Variants in NTRK2 observed in about 807,000 individuals in gnomAD.
The protein encoded by NTRK2 is neurotrophic receptor tyrosine kinase 2.
A neutral mutation model predicts 94.5 loss-of-function variants in NTRK2; 13 were observed. That is an observed-to-expected ratio of 0.14 (90% confidence interval 0.09 to 0.22). The LOEUF (loss-of-function observed/expected upper bound fraction) is 0.22, where lower values mean the gene tolerates loss of function less well. Ranked by LOEUF, NTRK2 falls within the 10% of genes least tolerant of loss-of-function variation. NTRK2 has a pLI of 1.00. For synonymous variants in NTRK2, 372 were observed against 407.4 expected (o/e 0.91, Z 1.05); for missense variants, 639 against 1,071.2 (o/e 0.60, Z 5.63).
intron 12 of NTRK2, chr9:84,812,231 A>C (rs200324734): frequency 3.7e-5 from 39 of 1,056,240 alleles, no homozygotes; most frequent in Non-Finnish European, 3.8e-5. Flanking sequence ...AAGGATATCC[A>C]TAATGAATAT....
At chr9:84,724,095 G>C in intron 7 of NTRK2, 129 bp from the exon 8 acceptor site, 1 of 983,130 alleles carries the variant, frequency 1.0e-6, no homozygotes, top group South Asian at 1.4e-5. Flanking sequence ...CCTGAGCCCA[G>C]TTCAGGCAGA....
intron 12 of NTRK2, among the ~76,000 whole-genome samples, chr9:84,763,042 A>G (rs1485452814): frequency 6.6e-6 from 1 of 152,134 alleles, no homozygotes; most frequent in Non-Finnish European, 1.5e-5. Flanking sequence ...CCACCTTCAT[A>G]TGTGTCTCCG....
At chr9:84,779,877 C>T (rs1489408640) in intron 12 of NTRK2, among the ~76,000 whole-genome samples, 1 of 152,154 alleles carries the variant, frequency 6.6e-6, no homozygotes, top group African/African-American at 2.4e-5. Flanking sequence ...TTCCTGTTTA[C>T]TTCTGATAAG....
At chr9:84,975,756 T>C (rs1204367795) in intron 17 of NTRK2, among the ~76,000 whole-genome samples, 1 of 152,202 alleles carries the variant, frequency 6.6e-6, no homozygotes, top group Non-Finnish European at 1.5e-5. Context: ...GTAGGAAATA[T>C]GTGTGATATT....
At chr9:84,919,371 G>GATGA (rs1204817450) in intron 14 of NTRK2, among the ~76,000 whole-genome samples, 1 of 152,108 alleles carries the variant, frequency 6.6e-6, no homozygotes, top group Non-Finnish European at 1.5e-5. Context: ...TCATCTCCAG[G>GATGA]ATGAACTTTT....
At chr9:84,797,595 C>CTATATAT (rs2069541793) in intron 12 of NTRK2, among the ~76,000 whole-genome samples, 1 of 69,630 alleles carries the variant, frequency 1.4e-5, no homozygotes, top group African/African-American at 6.1e-5. Context: ...ACTATATATA[C>CTATATAT]TATATATTAT....
At chr9:84,854,924 C>G (rs954817040) in intron 12 of NTRK2, among the ~76,000 whole-genome samples, 1 of 116,932 alleles carries the variant, frequency 8.6e-6, no homozygotes, top group African/African-American at 3.3e-5. Flanking sequence ...TCCAGCCTGG[C>G]CAACAGAGCG....
chr9:84,948,376 G>C, intron 15 of NTRK2, 86 bp from the exon 16 acceptor site: 1 of 1,384,118 alleles, frequency 7.2e-7, no homozygotes, highest in Non-Finnish European at 1.0e-6. Context: ...CTCATCTTTT[G>C]CCTAACAAAT....
At chr9:84,890,263 G>A (rs1262713449) in intron 14 of NTRK2, among the ~76,000 whole-genome samples, 1 of 152,184 alleles carries the variant, frequency 6.6e-6, no homozygotes, top group East Asian at 1.9e-4. Flanking sequence ...AAACATGGTG[G>A]TGATGGGTGA....
intron 14 of NTRK2, among the ~76,000 whole-genome samples, chr9:84,883,265 G>C (rs957763446): frequency 6.6e-6 from 1 of 152,156 alleles, no homozygotes; most frequent in Non-Finnish European, 1.5e-5. Context: ...CATGAAGCTG[G>C]GTAAGGTGAC....
rs1228131037 is a variant in NTRK2, at chr9:84,851,448, T to G, written c.1397-9592T>G. The stretch of plus-strand genomic sequence containing the variant: ...TTATGGTCATTTTATCCAATTATTT[T>G]TATTCAGCACCCAGCTTTATAAGTG... On this transcript the variant is annotated intron_variant, in intron 12 of 18. Transcript: ENST00000277120. 2.0e-5 allele frequency among the ~76,000 whole-genome samples: 3 copies of G among 152,244 alleles called. No individual in the cohort carries two copies. The East Asian group carries it at 5.8e-4, about 29-fold the overall frequency.
chr9:84,682,250 C>A (rs1280108747), intron 2 of NTRK2, among the ~76,000 whole-genome samples: 2 of 152,046 alleles, frequency 1.3e-5, no homozygotes, highest in African/African-American at 4.8e-5. Context: ...TGTCTGGGAG[C>A]CTTTCAAATT....
At chr9:84,672,513 AG>A (rs2058763665) in intron 2 of NTRK2, among the ~76,000 whole-genome samples, 1 of 152,118 alleles carries the variant, frequency 6.6e-6, no homozygotes, top group South Asian at 2.1e-4. Flanking sequence ...AGTTAGATGG[AG>A]AAGGCCATAT....
intron 16 of NTRK2, among the ~76,000 whole-genome samples, chr9:84,955,057 C>T (rs1823943676): frequency 1.3e-5 from 2 of 152,214 alleles, no homozygotes; most frequent in African/African-American, 4.8e-5. Flanking sequence ...GAATTCCAGA[C>T]TCTTTGGGAA....
chr9:84,967,625 G>A (rs1416594376), intron 17 of NTRK2, among the ~76,000 whole-genome samples: 1 of 152,234 alleles, frequency 6.6e-6, no homozygotes, highest in Non-Finnish European at 1.5e-5. Flanking sequence ...ACATGACGCT[G>A]GGCTCCTTTG....
intron 17 of NTRK2, among the ~76,000 whole-genome samples, chr9:85,007,444 A>T (rs1372483121): frequency 1.3e-5 from 2 of 152,192 alleles, no homozygotes; most frequent in Non-Finnish European, 2.9e-5. Flanking sequence ...TTTTATCCTA[A>T]GGGCAATGGG....
intron 12 of NTRK2, among the ~76,000 whole-genome samples, chr9:84,785,494 A>G (rs1431591592): frequency 6.6e-6 from 1 of 152,204 alleles, no homozygotes; most frequent in Non-Finnish European, 1.5e-5. Context: ...CTTGCAGTCA[A>G]GTGGCTTCCG....
chr9:84,690,836 C>G (rs1481096708), intron 2 of NTRK2, among the ~76,000 whole-genome samples: 1 of 152,076 alleles, frequency 6.6e-6, no homozygotes, highest in African/African-American at 2.4e-5. Context: ...TACTTACTAA[C>G]CCATTTCTTG....
At chr9:84,755,125 T>C (rs1465787660) in intron 12 of NTRK2, among the ~76,000 whole-genome samples, 5 of 152,174 alleles carry the variant, frequency 3.3e-5, no homozygotes, top group Non-Finnish European at 5.9e-5. Flanking sequence ...TCCAAACTAG[T>C]GAGTGAAACT....
Sources: gnomAD v4.1 joint callset for allele counts (sites outside exome capture counted in the v4.1 genomes callset) on GRCh38, gnomAD v4.1.1 for gene constraint, MANE v1.5 for transcripts, NCBI Gene and HGNC (gene_info 2026-07-23, HGNC 2026-07-21) for gene names.